The following DNAJB6 variants were observed in gnomAD, a reference collection of about 807,000 sequenced individuals.
DNAJB6 encodes DnaJ heat shock protein family (Hsp40) member B6.
Under a neutral mutation model 42.7 loss-of-function variants are expected in DNAJB6, and 16 were observed. That is an observed-to-expected ratio of 0.37 (90% confidence interval 0.25 to 0.57). DNAJB6 has a LOEUF of 0.57. DNAJB6 is among the 20% of genes least tolerant of loss of function. The pLI, the probability that DNAJB6 is intolerant of heterozygous loss-of-function variation, is 0.74. For missense variants in DNAJB6, 347 were observed against 416.8 expected (o/e 0.83, Z 1.46); for synonymous variants, 170 against 163.5 (o/e 1.04, Z -0.30).
At chr7:157,392,430 G>T (rs1801393292) in intron 8 of DNAJB6, among the ~76,000 whole-genome samples, 1 of 150,038 alleles carries the variant, frequency 6.7e-6, no homozygotes, top group Non-Finnish European at 1.5e-5. Context: ...TATTTACACA[G>T]ATGTGTGTGT....
intron 1 of DNAJB6, among the ~76,000 whole-genome samples, chr7:157,343,524 T>G (rs1798527001): frequency 1.3e-5 from 2 of 151,996 alleles, no homozygotes; most frequent in African/African-American, 2.4e-5. Flanking sequence ...GCTGGAGTGC[T>G]GTGGTGTGAT....
rs139335321 is a variant in DNAJB6, at chr7:157,354,794, G to C, written c.-26-3753G>C. Among the ~76,000 whole-genome samples, 943 of 152,288 alleles carry C rather than the reference G, an allele frequency of 6.2e-3. 11 individuals are homozygous for C. The highest frequency in any genetic ancestry group is 0.021 in the African/African-American group (874 of 41,568). Reference sequence around the variant, plus strand: ...TCAGAGGTAGACTCGGCAGAACTTTGTGATTTATTTGTGTCTGTGTGCTGA... The same window carrying C: ...TCAGAGGTAGACTCGGCAGAACTTTCTGATTTATTTGTGTCTGTGTGCTGA... On this transcript the variant is annotated intron_variant, in intron 1 of 9. Transcript: ENST00000262177.
chr7:157,399,559 G>A (rs1311862518), intron 8 of DNAJB6, among the ~76,000 whole-genome samples: 1 of 152,244 alleles, frequency 6.6e-6, no homozygotes. Context: ...GGGCCCTGCA[G>A]CCTGGGTGTG....
intron 2 of DNAJB6, 48 bp from the exon 3 acceptor site, chr7:157,363,113 T>C (rs1799684971): frequency 1.5e-6 from 2 of 1,347,334 alleles, no homozygotes; most frequent in Non-Finnish European, 2.1e-6. Context: ...AAAAGCATAG[T>C]TGATTTCTGG....
At chr7:157,340,145 T>C (rs751668457) in intron 1 of DNAJB6, 10 of 152,260 alleles carry the variant, frequency 6.6e-5, no homozygotes, top group Non-Finnish European at 4.4e-5. Flanking sequence ...GTTGACGTTT[T>C]GACGGGATTT....
intron 1 of DNAJB6, among the ~76,000 whole-genome samples, chr7:157,347,684 G>A (rs1318393699): frequency 2.0e-5 from 3 of 152,096 alleles, no homozygotes; most frequent in African/African-American, 7.2e-5. Flanking sequence ...CCCCTTAATC[G>A]GCTAATAATT....
rs1273181443 is a variant in DNAJB6, at chr7:157,337,136, C to T, written c.-35C>T. 2 of 152,532 alleles carry T rather than the reference C, an allele frequency of 1.3e-5. No individual in the cohort carries two copies. Among genetic ancestry groups the T allele is most frequent in the African/African-American group, 2.4e-5 (1 of 41,448 alleles). The allele number at this position is 152,532 out of a possible 1,614,324, so 9.4% of individuals were successfully genotyped here. On this transcript the variant is annotated 5_prime_UTR_variant, in exon 1 of 10. Coordinates refer to ENST00000262177, the MANE Select transcript of DNAJB6 (RefSeq NM_058246.4). ...CCCTGCGTCCCGCCACCGGCCGCTT[C>T]TGTCCTCGGTGAGGGTCTGTTCCGA...
chr7:157,360,320 G>T (rs1358753308), intron 2 of DNAJB6, among the ~76,000 whole-genome samples: 3 of 152,120 alleles, frequency 2.0e-5, no homozygotes, highest in African/African-American at 7.2e-5. Context: ...GAATAGCACG[G>T]GAAAGACTAG....
chr7:157,387,411 G>A (rs973962949), intron 8 of DNAJB6, among the ~76,000 whole-genome samples: 8 of 152,180 alleles, frequency 5.3e-5, no homozygotes, highest in African/African-American at 1.9e-4. Flanking sequence ...CTCACAACTA[G>A]CATTGTGCGA....
chr7:157,341,309 G>C (rs1462040717), intron 1 of DNAJB6, among the ~76,000 whole-genome samples: 1 of 151,900 alleles, frequency 6.6e-6, no homozygotes, highest in African/African-American at 2.4e-5. Flanking sequence ...ATTTTTAGTA[G>C]AGACGGGGGT....
Position 157,416,217 on chromosome 7 carries a change from C to A in DNAJB6, c.*119C>A. On this transcript the variant is annotated 3_prime_UTR_variant, in exon 10 of 10. Transcript: ENST00000262177. The stretch of plus-strand genomic sequence containing the variant: ...CAGGACTGTCTCGAGGCCACACTCG[C>A]TCGGCAGGATTATGCGATCACGGAT... 1 of 1,464,996 alleles carries A rather than the reference C, an allele frequency of 6.8e-7. No individual in the cohort carries two copies. The highest frequency in any genetic ancestry group is 9.3e-7 in the Non-Finnish European group (1 of 1,080,474). 90.7% of individuals were successfully genotyped at this position (1,464,996 alleles called of 1,614,324 possible). A position where few individuals can be genotyped will look rare whatever the true frequency, so the allele number is the denominator to read the frequency against.
intron 2 of DNAJB6, among the ~76,000 whole-genome samples, chr7:157,361,283 C>G (rs181804642): frequency 6.6e-6 from 1 of 151,870 alleles, no homozygotes; most frequent in African/African-American, 2.4e-5. Context: ...CTTAGCCTCC[C>G]GAGTAGGTGG....
At chr7:157,346,933 G>C (rs576002672) in intron 1 of DNAJB6, among the ~76,000 whole-genome samples, 1 of 152,292 alleles carries the variant, frequency 6.6e-6, no homozygotes, top group East Asian at 1.9e-4. Context: ...TCGGCGCACT[G>C]CAAGCTCCAC....
chr7:157,399,645 ATATATC>A (rs978328589), intron 8 of DNAJB6, among the ~76,000 whole-genome samples: 32 of 151,914 alleles, frequency 2.1e-4, no homozygotes, highest in Admixed American at 3.9e-4. Context: ...GCATGTGACT[ATATATC>A]TATATATCTC....
intron 6 of DNAJB6, among the ~76,000 whole-genome samples, chr7:157,382,971 G>C (rs1379551780): frequency 2.0e-5 from 3 of 151,998 alleles, no homozygotes; most frequent in Non-Finnish European, 4.4e-5. Flanking sequence ...AGCTCATCCA[G>C]TTTCTCTTCA....
chr7:157,410,346 G>A (rs2116654589), intron 9 of DNAJB6: 1 of 449,130 alleles, frequency 2.2e-6, no homozygotes, highest in Non-Finnish European at 3.8e-6. Flanking sequence ...GAGGCCTGTG[G>A]CTTAGGCCGG....
At chr7:157,403,595 C>A (rs1795621614) in intron 8 of DNAJB6, among the ~76,000 whole-genome samples, 2 of 152,226 alleles carry the variant, frequency 1.3e-5, no homozygotes, top group Admixed American at 1.3e-4. Flanking sequence ...GCTCAGCCTC[C>A]TGAGTAGCTG....
chr7:157,384,693 T>G (rs1800964379), intron 6 of DNAJB6, among the ~76,000 whole-genome samples, 174 bp from the exon 7 acceptor site: 1 of 152,210 alleles, frequency 6.6e-6, no homozygotes, highest in Non-Finnish European at 1.5e-5. Flanking sequence ...AGAGACAGTC[T>G]TTCCCCCTGG....
chr7:157,388,314 T>C (rs112863763), intron 8 of DNAJB6, among the ~76,000 whole-genome samples: 2,021 of 152,304 alleles, frequency 0.013, 41 homozygotes, highest in African/African-American at 0.045. Flanking sequence ...AGAGTACCTT[T>C]GAAAAGTTAG....
Sources: gnomAD v4.1 joint callset for allele counts (sites outside exome capture counted in the v4.1 genomes callset) on GRCh38, gnomAD v4.1.1 for gene constraint, MANE v1.5 for transcripts, NCBI Gene and HGNC (gene_info 2026-07-23, HGNC 2026-07-21) for gene names.